PLCE1: variants seen among roughly 807,000 people sequenced by gnomAD.
PLCE1 encodes the protein 1-phosphatidylinositol 4,5-bisphosphate phosphodiesterase epsilon-1.
A neutral mutation model predicts 242.8 loss-of-function variants in PLCE1; 119 were observed. The observed-to-expected ratio is 0.49, with a 90% CI of 0.42 to 0.57. The LOEUF is 0.57. Among genes scored for constraint, PLCE1 ranks in the 20% least tolerant of loss-of-function variants. The pLI is 0.00. For missense variants in PLCE1, 2,441 were observed against 2,788.8 expected, an observed-to-expected ratio of 0.88 and a Z score of 2.81; for synonymous variants, 945 against 1,017.4, an observed-to-expected ratio of 0.93 and a Z score of 1.35.
At chr10:94,167,804 C>A (rs537829434) in intron 3 of PLCE1, among the ~76,000 whole-genome samples, 1 of 151,652 alleles carries the variant, frequency 6.6e-6, no homozygotes, top group Non-Finnish European at 1.5e-5. Context: ...CATCCATGTC[C>A]CTAATCCTGT....
At chr10:94,182,773 A>T (rs542253032) in intron 4 of PLCE1, among the ~76,000 whole-genome samples, 17 of 152,310 alleles carry the variant, frequency 1.1e-4, no homozygotes, top group Admixed American at 1.1e-3. Flanking sequence ...TTGTGTCTCT[A>T]GAATTTAACT....
rs76623734 is a variant in PLCE1, at chr10:94,227,882, G to A, written c.1955+431G>A. On this transcript the variant is annotated intron_variant, in intron 5 of 32. Coordinates refer to ENST00000371380, the MANE Select transcript of PLCE1 (RefSeq NM_016341.4). ...TAACAGTGGCTAGCATTGACAATAG[G>A]CCTCCAATAATGTAAGCTCTCATTA... 6.0e-3 allele frequency among the ~76,000 whole-genome samples: 909 copies of A among 152,282 alleles called. 4 individuals are homozygous for A. The highest frequency in any genetic ancestry group is 9.7e-3 in the Non-Finnish European group (659 of 68,022).
At chr10:94,027,342 T>G (rs2061467632) in intron 1 of PLCE1, among the ~76,000 whole-genome samples, 1 of 152,202 alleles carries the variant, frequency 6.6e-6, no homozygotes, top group South Asian at 2.1e-4. Flanking sequence ...TTTAATTGTG[T>G]ACTCAACAAA....
intron 8 of PLCE1, among the ~76,000 whole-genome samples, chr10:94,247,948 G>A (rs2050744738): frequency 1.3e-5 from 2 of 152,164 alleles, no homozygotes; most frequent in Non-Finnish European, 2.9e-5. Context: ...TTGTGTCAAA[G>A]TATTCAGTTT....
chr10:94,060,624 T>A (rs2044024446), intron 2 of PLCE1, among the ~76,000 whole-genome samples: 1 of 152,090 alleles, frequency 6.6e-6, no homozygotes, highest in Non-Finnish European at 1.5e-5. Flanking sequence ...GTAGGAAATA[T>A]TTTTTGCAGC....
intron 4 of PLCE1, among the ~76,000 whole-genome samples, chr10:94,177,443 C>T (rs2048160253): frequency 6.6e-6 from 1 of 152,164 alleles, no homozygotes; most frequent in Non-Finnish European, 1.5e-5. Context: ...CAGAGCTAGT[C>T]AAGATTTGTG....
chr10:94,291,390 G>C (rs2052641353), intron 22 of PLCE1, among the ~76,000 whole-genome samples: 1 of 152,120 alleles, frequency 6.6e-6, no homozygotes, highest in Non-Finnish European at 1.5e-5. Context: ...TCTAAAATAA[G>C]CATTCTTATT....
In PLCE1 at chr10:94,110,364, G is replaced by A. The variant is rs2045917690; in HGVS notation, c.1207-21810G>A. Among the ~76,000 whole-genome samples the A allele has an allele frequency of 3.9e-5, 6 of 152,108 alleles. No homozygotes were observed. The South Asian group carries it at 1.2e-3, about 32-fold the overall frequency. ...GCTGTGAGCCACCGTGCCTGGCCAA[G>A]GATAGACCTTTTCTAAGGGTTGTCA... On this transcript the variant is annotated intron_variant, in intron 2 of 32. Transcript: ENST00000371380.
intron 23 of PLCE1, among the ~76,000 whole-genome samples, chr10:94,296,290 C>T (rs1048086872): frequency 6.0e-5 from 9 of 148,938 alleles, no homozygotes; most frequent in Admixed American, 2.7e-4. Context: ...GGCGTGAACC[C>T]GGGAGGCGGA....
chr10:94,129,751 G>A (rs114549953), intron 2 of PLCE1, among the ~76,000 whole-genome samples: 11 of 144,336 alleles, frequency 7.6e-5, no homozygotes, highest in African/African-American at 1.9e-4. Context: ...ACAAACCAGC[G>A]AAAACAAAAA....
At chr10:94,285,611 C>G (rs1241593516) in intron 22 of PLCE1, among the ~76,000 whole-genome samples, 1 of 152,192 alleles carries the variant, frequency 6.6e-6, no homozygotes, top group Non-Finnish European at 1.5e-5. Flanking sequence ...GCCAGCACTA[C>G]ATGCTTCCAG....
chr10:94,287,838 T>A (rs1283589953), intron 22 of PLCE1, among the ~76,000 whole-genome samples: 1 of 152,076 alleles, frequency 6.6e-6, no homozygotes, highest in Non-Finnish European at 1.5e-5. Flanking sequence ...GGCACCTACA[T>A]ACACTGCCGT....
At position 94,254,116 on chromosome 10, in the gene PLCE1, G is replaced by A. The variant is rs2050978617; in HGVS notation, c.3280-74G>A. 4.6e-6 allele frequency: 5 copies of A among 1,087,480 alleles called. No homozygotes were observed. The South Asian group carries it at 6.2e-5, about 13-fold the overall frequency. 67.4% of individuals were successfully genotyped at this position (1,087,480 alleles called of 1,614,324 possible). On this transcript the variant is annotated intron_variant, in intron 9 of 32. Transcript: ENST00000371380. ...TTGAAGGTGGGTAGGTCAGAAAATA[G>A]AGACCTACCTGAACTAAAGCAGTGA...
At chr10:94,259,861 G>A (rs905527738) in intron 13 of PLCE1, among the ~76,000 whole-genome samples, 2 of 152,150 alleles carry the variant, frequency 1.3e-5, no homozygotes, top group Non-Finnish European at 2.9e-5. Context: ...TACAATCATG[G>A]AAGAAGATGA....
chr10:94,256,323 C>CAAAAAAA (rs1316929334), intron 11 of PLCE1, among the ~76,000 whole-genome samples: 1 of 56,204 alleles, frequency 1.8e-5, no homozygotes, highest in African/African-American at 6.8e-5. Flanking sequence ...GAGCTTGTCT[C>CAAAAAAA]AAAAAAAAAA....
intron 2 of PLCE1, among the ~76,000 whole-genome samples, chr10:94,035,891 A>G (rs982990246): frequency 3.3e-5 from 5 of 152,146 alleles, no homozygotes; most frequent in African/African-American, 9.7e-5. Flanking sequence ...TGGTAATTAC[A>G]TATGTGTCCG....
At chr10:94,223,372 G>C (rs951722426) in intron 4 of PLCE1, among the ~76,000 whole-genome samples, 7 of 152,100 alleles carry the variant, frequency 4.6e-5, no homozygotes, top group Admixed American at 4.6e-4. Context: ...GAGGTGAGGT[G>C]ATTGGAGAAT....
rs752056387 is a variant in PLCE1 at position 94,254,893 on chromosome 10, A to C, written c.3398A>C (p.Glu1133Ala). Reference protein sequence around the residue: ...PQDINEQEESEVNAIANPPNP... With the variant: ...PQDINEQEESAVNAIANPPNP... The stretch of plus-strand genomic sequence containing the variant: ...TCTTTTCTGTCTTTCATCCTCACAG[A>C]GGTGAATGCCATCGCTAACCCTCCA... The change falls in exon 11 of 33, where the codon GAG becomes GCG. Residue 1133 changes from glutamate (E) to alanine (A), a missense_variant and splice_region_variant. Glu to Ala is a moderately radical substitution (Grantham distance 107). Transcript: ENST00000371380. 5.6e-6 allele frequency: 9 copies of C among 1,613,986 alleles called. No individual in the cohort carries two copies. The South Asian group carries it at 9.9e-5, about 18-fold the overall frequency.
Position 94,227,449 on chromosome 10 carries a change from C to G in PLCE1, c.1953C>G (p.Leu651=), listed in dbSNP as rs543658821. 2.2e-5 allele frequency: 35 copies of G among 1,613,570 alleles called. No individual in the cohort carries two copies. The highest frequency in any genetic ancestry group is 2.8e-5 in the Non-Finnish European group (33 of 1,179,602). ...CTGTCATGGAGTTCTTGGCTGGCCT[C>G]AGGTATAGTCAGTGGGGAATATGGT... ...YNAVMEFLAG[L]RSRKVLKMWQ... Residue 651 remains leucine (L), a splice_region_variant and synonymous_variant, in exon 5 of 33, where the codon CTC becomes CTG. Transcript: ENST00000371380.
Sources: gnomAD v4.1 joint callset for allele counts (sites outside exome capture counted in the v4.1 genomes callset) on GRCh38, gnomAD v4.1.1 for gene constraint, MANE v1.5 for transcripts, NCBI Gene and HGNC (gene_info 2026-07-23, HGNC 2026-07-21) for gene names.